ABHD2: variants seen among roughly 807,000 people sequenced by gnomAD.
ABHD2 encodes the protein monoacylglycerol lipase ABHD2.
Under a neutral mutation model 48.1 loss-of-function variants are expected in ABHD2, and 20 were observed. The ratio of observed to expected loss-of-function variants is 0.42; its 90% confidence interval spans 0.29 to 0.60. The LOEUF (loss-of-function observed/expected upper bound fraction) is 0.60, where lower values mean the gene tolerates loss of function less well. ABHD2 is among the 20% of genes least tolerant of loss of function. The pLI, the probability that ABHD2 is intolerant of heterozygous loss-of-function variation, is 0.24. For missense variants in ABHD2, 405 were observed against 550.9 expected, an observed-to-expected ratio of 0.74 and a Z score of 2.65; for synonymous variants, 209 against 214.2, an observed-to-expected ratio of 0.98 and a Z score of 0.21.
At chr15:89,084,259 G>C (rs1901320990), upstream of ABHD2, among the ~76,000 whole-genome samples, 1 of 150,846 alleles carries the variant, frequency 6.6e-6, no homozygotes. The surrounding 1 kb of genome is among the most constrained non-coding windows in gnomAD (Gnocchi z 4.4). Context: ...TGTGTATATA[G>C]GAACTGTCTG....
chr15:89,136,104 T>C (rs1393823937), intron 3 of ABHD2: 1 of 197,800 alleles, frequency 5.1e-6, no homozygotes, highest in Non-Finnish European at 1.0e-5. Flanking sequence ...TTTTTTTTTT[T>C]TTTCAGTAGA....
At chr15:89,079,612 C>A in the ABHD2 span, among the ~76,000 whole-genome samples, 2 of 152,184 alleles carry the variant, frequency 1.3e-5, no homozygotes, top group East Asian at 1.9e-4. The surrounding 1 kb of genome is among the most constrained non-coding windows in gnomAD (Gnocchi z 4.3). Flanking sequence ...AGTGAAATGA[C>A]CATAATCTCT....
intron 3 of ABHD2, among the ~76,000 whole-genome samples, chr15:89,138,896 A>G (rs1192066557): frequency 6.6e-6 from 1 of 151,860 alleles, no homozygotes; most frequent in East Asian, 1.9e-4. Context: ...AAAACGGGGA[A>G]GACACCATTG....
intron 3 of ABHD2, among the ~76,000 whole-genome samples, chr15:89,127,755 TTA>T: frequency 7.3e-6 from 1 of 137,508 alleles, no homozygotes; most frequent in East Asian, 2.0e-4. Flanking sequence ...ATTTTAAAAA[TTA>T]GTCAATTAGT....
intron 4 of ABHD2, among the ~76,000 whole-genome samples, chr15:89,154,187 A>C (rs2150892469): frequency 6.6e-6 from 1 of 152,294 alleles, no homozygotes; most frequent in Non-Finnish European, 1.5e-5. Context: ...ACTGGGCTCA[A>C]ACGATCCTCC....
intron 3 of ABHD2, among the ~76,000 whole-genome samples, chr15:89,148,720 A>T (rs2050539305): frequency 2.0e-5 from 3 of 152,236 alleles, no homozygotes. Context: ...GCCACAGGCC[A>T]GTCCAGATCA....
chr15:89,127,776 G>A (rs908723909), intron 3 of ABHD2, among the ~76,000 whole-genome samples: 3 of 145,278 alleles, frequency 2.1e-5, no homozygotes, highest in East Asian at 2.0e-4. Context: ...GTAATATTTA[G>A]TAACCTGCTC....
At chr15:89,144,020 C>G (rs2050451141) in intron 3 of ABHD2, among the ~76,000 whole-genome samples, 1 of 152,180 alleles carries the variant, frequency 6.6e-6, no homozygotes, top group African/African-American at 2.4e-5. Context: ...CCCAGAAATT[C>G]CACTTCTGGG....
chr15:89,113,603 G>A (rs570042513), intron 1 of ABHD2, 122 bp from the exon 2 acceptor site: 1 of 152,284 alleles, frequency 6.6e-6, no homozygotes, highest in South Asian at 2.1e-4. Flanking sequence ...TGGCATACAT[G>A]TTAATTAACA....
At position 89,198,626 on chromosome 15, in the gene ABHD2, T is replaced by C. The variant is rs552914071; in HGVS notation, c.*3203T>C. On this transcript the variant is annotated 3_prime_UTR_variant, in exon 11 of 11. Transcript: ENST00000352732. This position sits in a 1 kb window ranked among gnomAD's most constrained non-coding sequence, Gnocchi z 5.1. ...AGTTCGTGTCCTAATGGTCTCTAAT[T>C]CACATTGGATCGTGGGCAAATCACC... 7 of 152,336 alleles carry C rather than the reference T, an allele frequency of 4.6e-5. No individual in the cohort carries two copies. In the South Asian group the frequency reaches 1.5e-3, roughly 32 times the overall value. 9.4% of individuals were successfully genotyped at this position (152,336 alleles called of 1,614,324 possible).
rs775675332 is a variant in ABHD2 at position 89,088,668 on chromosome 15, GC to G, written c.-107+107del. The G allele has an allele frequency of 2.6e-5, 4 of 152,320 alleles. No homozygotes were observed. Among genetic ancestry groups the G allele is most frequent in the Non-Finnish European group, 5.9e-5 (4 of 68,114 alleles). 9.4% of individuals were successfully genotyped at this position (152,320 alleles called of 1,614,324 possible). A position where few individuals can be genotyped will look rare whatever the true frequency, so the allele number is the denominator to read the frequency against. On this transcript the variant is annotated intron_variant, in intron 1 of 10. Transcript: ENST00000352732. The surrounding 1 kb of genome is among the most constrained non-coding windows in gnomAD (Gnocchi z 6.8). ...TCCCCGGCGTAGCTCGGCCCATCAC[GC>G]CGCAGCCTGAGGGGATCCTGGGGGG... is the stretch of plus-strand genomic sequence containing the variant.
At chr15:89,180,966 G>A (rs539237562) in intron 6 of ABHD2, among the ~76,000 whole-genome samples, 10 of 152,168 alleles carry the variant, frequency 6.6e-5, no homozygotes, top group Admixed American at 2.0e-4. Flanking sequence ...GGTGGCTCAC[G>A]CCTGGAATCC....
the ABHD2 span, among the ~76,000 whole-genome samples, chr15:89,051,660 G>A: frequency 6.6e-6 from 1 of 152,198 alleles, no homozygotes; most frequent in Non-Finnish European, 1.5e-5. Flanking sequence ...TAGTGAAGAA[G>A]TCTCACAAGA....
At chr15:89,101,404 T>C (rs2150785268) in intron 1 of ABHD2, among the ~76,000 whole-genome samples, 1 of 152,352 alleles carries the variant, frequency 6.6e-6, no homozygotes, top group East Asian at 1.9e-4. Context: ...TCTCTCCTGA[T>C]GTACAGTGGC....
In ABHD2 at chr15:89,159,309, G is replaced by A. The variant is rs144027384; in HGVS notation, c.538+3775G>A. Reference sequence around the variant, plus strand: ...GGAGAATCACTTGAACCCAGGAGGCGGAGGTTGCAGTGAGCCGAGATCACA... The same window carrying A: ...GGAGAATCACTTGAACCCAGGAGGCAGAGGTTGCAGTGAGCCGAGATCACA... On this transcript the variant is annotated intron_variant, in intron 5 of 10. Coordinates refer to ENST00000352732, the MANE Select transcript of ABHD2 (RefSeq NM_152924.5). 8.1e-4 allele frequency among the ~76,000 whole-genome samples: 122 copies of A among 151,404 alleles called. 3 individuals carry two copies. In the East Asian group the frequency reaches 0.01, roughly 13 times the overall value.
rs78346451 is a variant in ABHD2, at chr15:89,143,782, A to C, written c.195-7895A>C. 4.4e-3 allele frequency among the ~76,000 whole-genome samples: 668 copies of C among 152,292 alleles called. 6 individuals are homozygous for C. The highest frequency in any genetic ancestry group is 0.015 in the African/African-American group (635 of 41,556). On this transcript the variant is annotated intron_variant, in intron 3 of 10. Transcript: ENST00000352732. ...CTCAAGTCAAAAGGGGATGTTCAAG[A>C]TCATTAGTCATAAAGGAAATGCACA...
chr15:89,149,214 A>AACACAC (rs35689320), intron 3 of ABHD2, among the ~76,000 whole-genome samples: 12,883 of 148,262 alleles, frequency 0.087, 612 homozygotes, highest in South Asian at 0.17. Flanking sequence ...ATTGATCCCT[A>AACACAC]ACACACACAC....
chr15:89,108,081 C>T (rs2150799246), intron 1 of ABHD2, among the ~76,000 whole-genome samples: 1 of 152,284 alleles, frequency 6.6e-6, no homozygotes, highest in East Asian at 1.9e-4. Flanking sequence ...GGGAGCGTGT[C>T]TGAGTAACAA....
chr15:89,161,840 G>T (rs1354868855), intron 5 of ABHD2, among the ~76,000 whole-genome samples: 5 of 152,312 alleles, frequency 3.3e-5, no homozygotes, highest in Non-Finnish European at 5.9e-5. Flanking sequence ...ATACCACAGT[G>T]GGCGTGGCTT....
Sources: gnomAD v4.1 joint callset for allele counts (sites outside exome capture counted in the v4.1 genomes callset) on GRCh38, gnomAD v4.1.1 for gene constraint, Gnocchi (gnomAD v3.1) non-coding constraint, MANE v1.5 for transcripts, NCBI Gene and HGNC (gene_info 2026-07-23, HGNC 2026-07-21) for gene names.